The following CTNNA3 variants were observed in gnomAD, a reference collection of about 807,000 sequenced individuals.
CTNNA3 encodes the protein catenin alpha-3.
CTNNA3 carries 76 observed loss-of-function variants against 95.7 expected under a neutral mutation model. That is an observed-to-expected ratio of 0.79 (90% CI 0.66 to 0.96). CTNNA3 has a LOEUF of 0.96. Ranked by LOEUF, CTNNA3 falls within the 40% of genes least tolerant of loss-of-function variation. CTNNA3 has a pLI of 0.00. For missense variants in CTNNA3, 1,191 were observed against 1,089.8 expected, an observed-to-expected ratio of 1.09 and a Z score of -1.31; for synonymous variants, 431 against 374.4, an observed-to-expected ratio of 1.15 and a Z score of -1.74.
intron 9 of CTNNA3, among the ~76,000 whole-genome samples, chr10:66,647,097 A>G (rs1346279163): frequency 6.6e-6 from 1 of 152,196 alleles, no homozygotes; most frequent in Admixed American, 6.5e-5. Flanking sequence ...TTCAGAAGAA[A>G]TAAGTGCCTC....
At chr10:66,913,238 C>CAA (rs1161880781) in intron 7 of CTNNA3, among the ~76,000 whole-genome samples, 1,081 of 33,524 alleles carry the variant, frequency 0.032, 271 homozygotes, top group African/African-American at 0.05. Context: ...GACTCCGTCT[C>CAA]AAAAAAAAAA....
chr10:66,283,252 A>C (rs2132167108), intron 12 of CTNNA3, among the ~76,000 whole-genome samples: 1 of 151,936 alleles, frequency 6.6e-6, no homozygotes, highest in Admixed American at 6.6e-5. Context: ...TAGTTAAGTA[A>C]AAAGAGATAT....
intron 13 of CTNNA3, among the ~76,000 whole-genome samples, chr10:66,262,447 G>A (rs548119664): frequency 1.3e-5 from 2 of 152,042 alleles, no homozygotes; most frequent in East Asian, 3.9e-4. Flanking sequence ...CTTACAAGAA[G>A]GAGCTGTGTC....
chr10:66,081,784 G>A (rs967842628), intron 14 of CTNNA3, among the ~76,000 whole-genome samples: 11 of 152,118 alleles, frequency 7.2e-5, no homozygotes, highest in African/African-American at 1.9e-4. Context: ...AAATTTATAG[G>A]TGAACATTTG....
Position 67,555,388 on chromosome 10 carries a change from A to T in CTNNA3, c.293-15719T>A, listed in dbSNP as rs550618737. 2.6e-5 allele frequency among the ~76,000 whole-genome samples: 4 copies of T among 152,302 alleles called. No homozygotes were observed. In the South Asian group the frequency reaches 8.3e-4, roughly 32 times the overall value. On this transcript the variant is annotated intron_variant, in intron 3 of 17. Coordinates refer to ENST00000433211, the MANE Select transcript of CTNNA3 (RefSeq NM_013266.4). ...ATATTGATTCTTCCTATCCATGAGCATGGAATGTTCTTCCATTTGTTTGAG... is the reference window on the plus strand; with the variant it reads ...ATATTGATTCTTCCTATCCATGAGCTTGGAATGTTCTTCCATTTGTTTGAG...
intron 5 of CTNNA3, among the ~76,000 whole-genome samples, chr10:67,378,734 C>T (rs1843793599): frequency 6.6e-6 from 1 of 152,136 alleles, no homozygotes; most frequent in Non-Finnish European, 1.5e-5. Context: ...GACAGGATTT[C>T]ATTCTTTTTA....
At chr10:66,675,312 A>G (rs7913038) in intron 9 of CTNNA3, among the ~76,000 whole-genome samples, 83,853 of 151,488 alleles carry the variant, frequency 0.55, 23,937 homozygotes, top group African/African-American at 0.68. Context: ...TTCTAGTATT[A>G]CTACATACCT....
At chr10:66,617,663 C>T (rs1391105988) in intron 10 of CTNNA3, among the ~76,000 whole-genome samples, 3 of 152,078 alleles carry the variant, frequency 2.0e-5, no homozygotes, top group Non-Finnish European at 2.9e-5. Flanking sequence ...GACAGGGATG[C>T]CCTCTCTCAC....
chr10:67,635,010 C>A (rs1473695127), intron 2 of CTNNA3, among the ~76,000 whole-genome samples: 1 of 151,974 alleles, frequency 6.6e-6, no homozygotes, highest in African/African-American at 2.4e-5. Flanking sequence ...AATATATATT[C>A]TTCTCATTCA....
intron 14 of CTNNA3, among the ~76,000 whole-genome samples, chr10:66,089,836 C>T (rs2081144372): frequency 6.6e-6 from 1 of 151,676 alleles, no homozygotes; most frequent in South Asian, 2.1e-4. Flanking sequence ...GATGGTGACC[C>T]TAAGACCCAG....
chr10:66,728,112 A>G (rs774501630), intron 9 of CTNNA3, among the ~76,000 whole-genome samples: 3 of 152,196 alleles, frequency 2.0e-5, no homozygotes, highest in Admixed American at 6.5e-5. Context: ...TTAGCTATCC[A>G]TAAAATCTAG....
At chr10:67,568,820 C>T (rs1190456224) in intron 3 of CTNNA3, among the ~76,000 whole-genome samples, 4 of 152,106 alleles carry the variant, frequency 2.6e-5, no homozygotes. Flanking sequence ...CAATTGCTCA[C>T]AGCCTATATA....
At chr10:67,641,707 G>A (rs970963554) in intron 2 of CTNNA3, among the ~76,000 whole-genome samples, 2 of 152,122 alleles carry the variant, frequency 1.3e-5, no homozygotes, top group African/African-American at 4.8e-5. Context: ...GTCCTTTGTA[G>A]GGACATGGAT....
At chr10:67,240,459 T>A (rs1482168525) in intron 5 of CTNNA3, among the ~76,000 whole-genome samples, 1 of 152,116 alleles carries the variant, frequency 6.6e-6, no homozygotes, top group African/African-American at 2.4e-5. Flanking sequence ...AACAGTAGGC[T>A]TCAGGTAAAA....
intron 14 of CTNNA3, among the ~76,000 whole-genome samples, chr10:66,081,789 C>T (rs957538940): frequency 3.3e-5 from 5 of 152,090 alleles, no homozygotes; most frequent in Non-Finnish European, 5.9e-5. Flanking sequence ...TATAGGTGAA[C>T]ATTTGAGAAG....
At chr10:67,524,916 G>A (rs1379316834) in intron 4 of CTNNA3, among the ~76,000 whole-genome samples, 2 of 151,982 alleles carry the variant, frequency 1.3e-5, no homozygotes, top group African/African-American at 4.8e-5. Flanking sequence ...AGGCCACAAT[G>A]GTTAATCATT....
chr10:67,550,674 C>T (rs1284258473), intron 3 of CTNNA3, among the ~76,000 whole-genome samples: 6 of 122,710 alleles, frequency 4.9e-5, no homozygotes, highest in African/African-American at 2.3e-4. Context: ...AATTTCTTTA[C>T]CGTAGAATAA....
intron 6 of CTNNA3, among the ~76,000 whole-genome samples, chr10:67,182,311 C>A (rs1029706694): frequency 6.6e-6 from 1 of 152,070 alleles, no homozygotes; most frequent in Non-Finnish European, 1.5e-5. Context: ...CTACAGTAAC[C>A]AAAACAGCAT....
In CTNNA3 at chr10:67,263,548, C is replaced by T. The variant is rs562398992; in HGVS notation, c.580-43678G>A. 3.9e-5 allele frequency among the ~76,000 whole-genome samples: 6 copies of T among 152,186 alleles called. No individual in the cohort carries two copies. The East Asian group carries it at 1.2e-3, about 29-fold the overall frequency. ...TATAAAAAAGGAAAAACAACTCATCCCTCAAGAAAGGATTTAAAGTGATAC... is the reference window on the plus strand; with the variant it reads ...TATAAAAAAGGAAAAACAACTCATCTCTCAAGAAAGGATTTAAAGTGATAC... On this transcript the variant is annotated intron_variant, in intron 5 of 17. Transcript: ENST00000433211.
Sources: gnomAD v4.1 joint callset for allele counts (sites outside exome capture counted in the v4.1 genomes callset) on GRCh38, gnomAD v4.1.1 for gene constraint, MANE v1.5 for transcripts, NCBI Gene and HGNC (gene_info 2026-07-23, HGNC 2026-07-21) for gene names.